RNF8: variants seen among roughly 807,000 people sequenced by gnomAD.
RNF8 encodes E3 ubiquitin-protein ligase RNF8.
Under a neutral mutation model 59.3 loss-of-function variants are expected in RNF8, and 8 were observed. That is an observed-to-expected ratio of 0.13 (90% CI 0.08 to 0.24). The LOEUF (loss-of-function observed/expected upper bound fraction) is 0.24, where lower values mean the gene tolerates loss of function less well. Among genes scored for constraint, RNF8 ranks in the 10% least tolerant of loss-of-function variants. RNF8 has a pLI of 1.00. For missense variants in RNF8, 406 were observed against 572.6 expected (o/e 0.71, Z 2.97); for synonymous variants, 162 against 200.0 (o/e 0.81, Z 1.60).
intron 7 of RNF8, among the ~76,000 whole-genome samples, chr6:37,390,269 A>G (rs1361767357): frequency 6.6e-6 from 1 of 152,002 alleles, no homozygotes; most frequent in Non-Finnish European, 1.5e-5. Flanking sequence ...AAAATCAAGC[A>G]AGAAGGGGAG....
chr6:37,357,773 C>T (rs1355567655), intron 1 of RNF8, among the ~76,000 whole-genome samples: 1 of 152,204 alleles, frequency 6.6e-6, no homozygotes, highest in Non-Finnish European at 1.5e-5. Flanking sequence ...TCTCTAACTT[C>T]TGACCTAAAA....
chr6:37,385,578 G>T (rs1770461542), intron 7 of RNF8, among the ~76,000 whole-genome samples: 1 of 151,922 alleles, frequency 6.6e-6, no homozygotes, highest in Non-Finnish European at 1.5e-5. Context: ...AGTGAGCCGA[G>T]ATCATGCCAC....
At chr6:37,381,525 G>A (rs1338434737) in intron 7 of RNF8, among the ~76,000 whole-genome samples, 171 bp downstream of exon 7, 2 of 152,154 alleles carry the variant, frequency 1.3e-5, no homozygotes, top group Non-Finnish European at 2.9e-5. Flanking sequence ...GAGAGGAAGA[G>A]TTGAGATAGA....
At position 37,354,031 on chromosome 6, in the gene RNF8, C is replaced by A; in HGVS notation, c.-134C>A. 2.5e-6 allele frequency: 2 copies of A among 789,424 alleles called. No individual in the cohort carries two copies. Among genetic ancestry groups the A allele is most frequent in the South Asian group, 3.1e-5 (2 of 63,554 alleles). 48.9% of individuals were successfully genotyped at this position (789,424 alleles called of 1,614,324 possible). ...AGGGCGGGCGAGCGGAGCCTGCTTT[C>A]GCAGCGATCGCGAGCGTGTGGCGAT... On this transcript the variant is annotated 5_prime_UTR_variant, in exon 1 of 8. Transcript: ENST00000373479.
intron 7 of RNF8, among the ~76,000 whole-genome samples, chr6:37,387,115 A>G (rs1386987791): frequency 1.3e-5 from 2 of 152,206 alleles, no homozygotes; most frequent in African/African-American, 4.8e-5. Flanking sequence ...TTGATATTCT[A>G]TGAACTAATC....
chr6:37,359,713 TACTAG>T (rs1239336168), intron 1 of RNF8, among the ~76,000 whole-genome samples: 2 of 152,224 alleles, frequency 1.3e-5, no homozygotes, highest in East Asian at 3.8e-4. Flanking sequence ...ACTGGCAGTG[TACTAG>T]ATCTGCTATG....
chr6:37,373,686 G>C (rs2113825197), intron 4 of RNF8, among the ~76,000 whole-genome samples: 1 of 152,258 alleles, frequency 6.6e-6, no homozygotes, highest in African/African-American at 2.4e-5. Context: ...GGGATTACAG[G>C]TATTATGAGC....
rs1383260430 is a variant in RNF8, at chr6:37,365,131, CTG to C, written c.241-3350_241-3349del. 2.6e-5 allele frequency among the ~76,000 whole-genome samples: 4 copies of C among 152,142 alleles called. No homozygotes were observed. The East Asian group carries it at 7.7e-4, about 29-fold the overall frequency. On this transcript the variant is annotated intron_variant, in intron 2 of 7. Coordinates refer to ENST00000373479, the MANE Select transcript of RNF8 (RefSeq NM_003958.4). ...AAAAAACAACTAGGGAATGGATAAA[CTG>C]TGCTCCACCCCTACTACCTTCAATA...
chr6:37,375,814 C>T (rs1397466864), intron 5 of RNF8, among the ~76,000 whole-genome samples: 1 of 152,180 alleles, frequency 6.6e-6, no homozygotes, highest in Non-Finnish European at 1.5e-5. Context: ...ATGGCCTATC[C>T]TCTCCCCCTC....
At chr6:37,389,300 A>C (rs1247602780) in intron 7 of RNF8, among the ~76,000 whole-genome samples, 1 of 151,580 alleles carries the variant, frequency 6.6e-6, no homozygotes. Context: ...GATATCGGTG[A>C]CTTTATCTAG....
chr6:37,356,932 T>C (rs1390045870), intron 1 of RNF8, among the ~76,000 whole-genome samples: 1 of 152,150 alleles, frequency 6.6e-6, no homozygotes, highest in Non-Finnish European at 1.5e-5. Flanking sequence ...AGAGGTGGGG[T>C]TTCGCCATGT....
intron 6 of RNF8, among the ~76,000 whole-genome samples, chr6:37,377,569 A>T (rs1292899910): frequency 6.6e-6 from 1 of 151,916 alleles, no homozygotes; most frequent in Non-Finnish European, 1.5e-5. Context: ...TTGGCATTTC[A>T]TCTGTTCTTA....
At chr6:37,374,874 G>A (rs779686802) in intron 5 of RNF8, among the ~76,000 whole-genome samples, 165 bp downstream of exon 5, 3 of 152,240 alleles carry the variant, frequency 2.0e-5, no homozygotes, top group Non-Finnish European at 4.4e-5. Context: ...GGTTCTGCCT[G>A]TCAGACAACA....
chr6:37,357,767 T>C (rs1769173960), intron 1 of RNF8, among the ~76,000 whole-genome samples: 2 of 152,218 alleles, frequency 1.3e-5, no homozygotes, highest in Non-Finnish European at 1.5e-5. Flanking sequence ...ATACAGTCTC[T>C]AACTTCTGAC....
chr6:37,388,102 G>C (rs943477254), intron 7 of RNF8, among the ~76,000 whole-genome samples: 6 of 152,142 alleles, frequency 3.9e-5, no homozygotes, highest in Non-Finnish European at 8.8e-5. Flanking sequence ...ACATGGTGCT[G>C]GGAACAAGAA....
At chr6:37,374,007 T>C (rs1386054167) in intron 4 of RNF8, among the ~76,000 whole-genome samples, 2 of 152,244 alleles carry the variant, frequency 1.3e-5, no homozygotes, top group African/African-American at 4.8e-5. Context: ...TTAGTCACAA[T>C]GAATGAGCTG....
intron 6 of RNF8, among the ~76,000 whole-genome samples, chr6:37,377,988 C>T (rs900120168): frequency 2.0e-5 from 3 of 152,150 alleles, no homozygotes; most frequent in Admixed American, 1.3e-4. Context: ...AATGACAGTG[C>T]TATTCAGACT....
At chr6:37,367,001 G>A (rs1769583146) in intron 2 of RNF8, among the ~76,000 whole-genome samples, 1 of 152,132 alleles carries the variant, frequency 6.6e-6, no homozygotes, top group Admixed American at 6.5e-5. Context: ...CCCTTGTGTT[G>A]TCTTTTCCAC....
At chr6:37,371,788 C>T (rs1482551241) in intron 4 of RNF8, among the ~76,000 whole-genome samples, 1 of 152,176 alleles carries the variant, frequency 6.6e-6, no homozygotes, top group Non-Finnish European at 1.5e-5. Flanking sequence ...ACATCTTTGT[C>T]TGAGCAGAAG....
Sources: gnomAD v4.1 joint callset for allele counts (sites outside exome capture counted in the v4.1 genomes callset) on GRCh38, gnomAD v4.1.1 for gene constraint, MANE v1.5 for transcripts, NCBI Gene and HGNC (gene_info 2026-07-23, HGNC 2026-07-21) for gene names.